Variants in CLVS2 observed in about 807,000 individuals in gnomAD.
CLVS2 encodes the protein clavesin-2.
In CLVS2, 19 loss-of-function variants were observed where a neutral mutation model predicts 29.0. The ratio of observed to expected loss-of-function variants is 0.66; its 90% CI spans 0.46 to 0.96. CLVS2 has a LOEUF of 0.96. Among genes scored for constraint, CLVS2 ranks in the 40% least tolerant of loss-of-function variants. CLVS2 has a pLI of 0.00. For missense variants in CLVS2, 294 were observed against 404.1 expected, an observed-to-expected ratio of 0.73 and a Z score of 2.34; for synonymous variants, 161 against 151.3, an observed-to-expected ratio of 1.06 and a Z score of -0.47.
At chr6:123,003,106 A>T (rs889499751) in intron 2 of CLVS2, among the ~76,000 whole-genome samples, 1 of 152,240 alleles carries the variant, frequency 6.6e-6, no homozygotes, top group African/African-American at 2.4e-5. Context: ...TCTCTGCAAA[A>T]ATAGGACAAT....
In CLVS2 at chr6:122,997,855, G is replaced by A; in HGVS notation, c.78G>A (p.Thr26=). 6.2e-7 allele frequency: 1 copy of A among 1,614,162 alleles called. No individual in the cohort carries two copies. The highest frequency in any genetic ancestry group is 8.5e-7 in the Non-Finnish European group (1 of 1,180,022). ...TGGAGCTCAATGAAAACCCAGACAC[G>A]CTGCACCAGGACATCCAGGAGGTGA... ...ARLELNENPD[T]LHQDIQEVRD... is the part of the protein sequence containing the mutation. Residue 26 remains threonine (T), a synonymous_variant, in exon 2 of 6, where the codon ACG becomes ACA. Transcript: ENST00000275162.
Position 123,064,158 on chromosome 6 carries a change from A to T in CLVS2, c.*397A>T, listed in dbSNP as rs1233405915. On this transcript the variant is annotated 3_prime_UTR_variant, in exon 6 of 6. Transcript: ENST00000275162. ...CCTATGAAGCCATATTTCAGCTCTC[A>T]TAGTGATTGTTTCATTGTTTTTCTC... The T allele has an allele frequency of 6.4e-6, 1 of 155,682 alleles. No homozygotes were observed. The allele number at this position is 155,682 out of a possible 1,614,324, so 9.6% of individuals were successfully genotyped here.
At chr6:123,004,837 C>A (rs1774640635) in intron 2 of CLVS2, among the ~76,000 whole-genome samples, 1 of 152,036 alleles carries the variant, frequency 6.6e-6, no homozygotes, top group Non-Finnish European at 1.5e-5. Context: ...CACTTGAACC[C>A]AGGAGGTGGA....
intron 5 of CLVS2, among the ~76,000 whole-genome samples, chr6:123,061,246 G>C (rs542246594): frequency 6.6e-6 from 1 of 151,956 alleles, no homozygotes; most frequent in African/African-American, 2.4e-5. Context: ...GCGGTGAGCC[G>C]AGATGGTGCC....
intron 3 of CLVS2, among the ~76,000 whole-genome samples, chr6:123,016,495 T>C (rs1249644263): frequency 1.3e-5 from 2 of 151,952 alleles, no homozygotes; most frequent in African/African-American, 4.8e-5. Flanking sequence ...TTGAGACATA[T>C]TTATGTTTTT....
chr6:123,062,132 G>A (rs1772788744), intron 5 of CLVS2, among the ~76,000 whole-genome samples: 1 of 152,072 alleles, frequency 6.6e-6, no homozygotes, highest in Non-Finnish European at 1.5e-5. Flanking sequence ...TCAGTTGTCA[G>A]GTTAATACTT....
chr6:123,002,187 G>A (rs1384929686), intron 2 of CLVS2, among the ~76,000 whole-genome samples: 2 of 152,136 alleles, frequency 1.3e-5, no homozygotes, highest in Admixed American at 6.5e-5. Context: ...TAATATGGTG[G>A]CAATCCAGAA....
intron 3 of CLVS2, among the ~76,000 whole-genome samples, chr6:123,028,790 T>C (rs1388172157): frequency 6.6e-6 from 1 of 152,172 alleles, no homozygotes; most frequent in East Asian, 1.9e-4. Flanking sequence ...TGTTTCTCTA[T>C]CCCTTTCTCT....
At chr6:123,009,349 T>A (rs1268654446) in intron 2 of CLVS2, among the ~76,000 whole-genome samples, 2 of 152,084 alleles carry the variant, frequency 1.3e-5, no homozygotes, top group Non-Finnish European at 2.9e-5. Context: ...GCCCTGTGCT[T>A]GATTAATGCT....
intron 4 of CLVS2, among the ~76,000 whole-genome samples, chr6:123,049,358 G>A (rs747578213): frequency 3.3e-5 from 5 of 152,122 alleles, no homozygotes; most frequent in Non-Finnish European, 7.4e-5. Context: ...TTGATACAGT[G>A]TAGGGCACAA....
At chr6:123,018,221 A>G (rs1178568380) in intron 3 of CLVS2, among the ~76,000 whole-genome samples, 1 of 152,112 alleles carries the variant, frequency 6.6e-6, no homozygotes, top group African/African-American at 2.4e-5. Context: ...AGAGAACAAA[A>G]AAGATGAGTG....
At position 122,997,580 on chromosome 6, in the gene CLVS2, C is replaced by T. The variant is rs190021837; in HGVS notation, c.-198C>T. 17 of 610,752 alleles carry T rather than the reference C, an allele frequency of 2.8e-5. No homozygotes were observed. The highest frequency in any genetic ancestry group is 2.1e-4 in the Admixed American group (7 of 33,106). The allele number at this position is 610,752 out of a possible 1,614,324, so 37.8% of individuals were successfully genotyped here. ...GGCAGAGGAAGAAGTTTACACCCCC[C>T]GGCCCCCCCAGCTTTGCTGGGGGAA... On this transcript the variant is annotated 5_prime_UTR_variant, in exon 2 of 6. Transcript: ENST00000275162.
intron 3 of CLVS2, among the ~76,000 whole-genome samples, chr6:123,037,866 C>G (rs1346793634): frequency 6.6e-6 from 1 of 152,172 alleles, no homozygotes; most frequent in Non-Finnish European, 1.5e-5. Flanking sequence ...GTTTCTATAT[C>G]AAGCCATATG....
chr6:123,044,899 A>G (rs1301108709), intron 3 of CLVS2, among the ~76,000 whole-genome samples: 1 of 152,100 alleles, frequency 6.6e-6, no homozygotes, highest in African/African-American at 2.4e-5. Context: ...ATGTCCTGAC[A>G]TTTTATTTTC....
chr6:123,013,191 C>A lies in CLVS2; in HGVS notation c.564+2032C>A, dbSNP rs570652545. 2.0e-3 allele frequency among the ~76,000 whole-genome samples: 303 copies of A among 152,066 alleles called. 3 individuals carry two copies. The highest frequency in any genetic ancestry group is 7.0e-3 in the African/African-American group (292 of 41,518). On this transcript the variant is annotated intron_variant, in intron 3 of 5. Transcript: ENST00000275162. ...GTTTTACTTTGCATTTGCTATGTGACAAATATTGTGTACCACTATATGTTT... is the reference window on the plus strand; with the variant it reads ...GTTTTACTTTGCATTTGCTATGTGAAAAATATTGTGTACCACTATATGTTT...
chr6:122,997,060 G>T (rs1774519815), intron 1 of CLVS2, among the ~76,000 whole-genome samples, 159 bp from the exon 2 acceptor site: 1 of 152,162 alleles, frequency 6.6e-6, no homozygotes, highest in South Asian at 2.1e-4. Flanking sequence ...TGGTGGGAAG[G>T]TGCGCTATCT....
At position 123,011,003 on chromosome 6, in the gene CLVS2, T is replaced by C; in HGVS notation, c.408T>C (p.Ile136=). ...WDQSRYTLVD[I]LRAILLSLEA... ...CCGATAGGTACACACTGGTGGATAT[T>C]TTGCGTGCCATCTTACTTTCTTTAG... is the stretch of plus-strand genomic sequence containing the variant. The change falls in exon 3 of 6, where the codon ATT becomes ATC. Residue 136 remains isoleucine, a synonymous_variant. Coordinates refer to ENST00000275162, the MANE Select transcript of CLVS2 (RefSeq NM_001010852.4). 1 of 1,602,972 alleles carries C rather than the reference T, an allele frequency of 6.2e-7. No individual in the cohort carries two copies. Among genetic ancestry groups the C allele is most frequent in the Non-Finnish European group, 8.5e-7 (1 of 1,174,164 alleles).
intron 3 of CLVS2, among the ~76,000 whole-genome samples, chr6:123,020,399 T>A (rs1449119150): frequency 6.6e-6 from 1 of 152,100 alleles, no homozygotes; most frequent in East Asian, 1.9e-4. Context: ...ATGGTCAAAC[T>A]GTAGCAATAT....
intron 3 of CLVS2, among the ~76,000 whole-genome samples, chr6:123,043,083 C>A (rs1224210793): frequency 6.6e-6 from 1 of 152,118 alleles, no homozygotes; most frequent in Non-Finnish European, 1.5e-5. Flanking sequence ...TAAACCAAAT[C>A]ACTTTCAGAA....
Sources: gnomAD v4.1 joint callset for allele counts (sites outside exome capture counted in the v4.1 genomes callset) on GRCh38, gnomAD v4.1.1 for gene constraint, MANE v1.5 for transcripts, NCBI Gene and HGNC (gene_info 2026-07-23, HGNC 2026-07-21) for gene names.